ROBO2: variants seen among roughly 807,000 people sequenced by gnomAD.
ROBO2 encodes the protein roundabout homolog 2.
A neutral mutation model predicts 160.8 loss-of-function variants in ROBO2; 53 were observed. The ratio of observed to expected loss-of-function variants is 0.33; its 90% CI spans 0.26 to 0.41. The LOEUF is 0.41. Ranked by LOEUF, ROBO2 falls within the 10% of genes least tolerant of loss-of-function variation. The pLI, the probability that ROBO2 is intolerant of heterozygous loss-of-function variation, is 1.00. For synonymous variants in ROBO2, 664 were observed against 611.7 expected, an observed-to-expected ratio of 1.09 and a Z score of -1.26; for missense variants, 1,577 against 1,722.4, an observed-to-expected ratio of 0.92 and a Z score of 1.49.
chr3:76,722,167 T>G (rs913341164), intron 2 of ROBO2, among the ~76,000 whole-genome samples: 1 of 152,268 alleles, frequency 6.6e-6, no homozygotes, highest in African/African-American at 2.4e-5. Flanking sequence ...TGTCATTGGG[T>G]TGACCACAGG....
At chr3:76,304,764 TTC>T (rs1274352708) in intron 2 of ROBO2, among the ~76,000 whole-genome samples, 2 of 147,130 alleles carry the variant, frequency 1.4e-5, no homozygotes, top group Non-Finnish European at 3.0e-5. Flanking sequence ...CTTTCTTTCT[TTC>T]TTTCTTTCTT....
intron 2 of ROBO2, among the ~76,000 whole-genome samples, chr3:77,015,688 G>A (rs942931435): frequency 2.6e-5 from 4 of 152,142 alleles, no homozygotes; most frequent in Admixed American, 6.5e-5. Context: ...GCTTTAAAAT[G>A]CATCTGCTAT....
chr3:76,397,599 A>G (rs914981257), intron 2 of ROBO2, among the ~76,000 whole-genome samples: 1 of 151,888 alleles, frequency 6.6e-6, no homozygotes, highest in Non-Finnish European at 1.5e-5. Context: ...AATATCCAGA[A>G]TCTACAATGA....
At chr3:76,202,176 C>T (rs1486938618) in intron 2 of ROBO2, among the ~76,000 whole-genome samples, 1 of 152,114 alleles carries the variant, frequency 6.6e-6, no homozygotes, top group African/African-American at 2.4e-5. Flanking sequence ...TCGTGTTATG[C>T]TTCACTTGGC....
At chr3:76,960,932 T>C (rs553510975) in intron 2 of ROBO2, among the ~76,000 whole-genome samples, 3 of 152,134 alleles carry the variant, frequency 2.0e-5, no homozygotes, top group Non-Finnish European at 2.9e-5. Context: ...TCCTTCTATA[T>C]GATAAAATGT....
At chr3:76,445,369 GC>G (rs1174961041) in intron 2 of ROBO2, among the ~76,000 whole-genome samples, 1 of 152,054 alleles carries the variant, frequency 6.6e-6, no homozygotes, top group Non-Finnish European at 1.5e-5. Context: ...TGAAGCTATA[GC>G]AAAACTAAGG....
At chr3:76,659,915 C>T (rs563930837) in intron 2 of ROBO2, among the ~76,000 whole-genome samples, 57 of 152,198 alleles carry the variant, frequency 3.7e-4, no homozygotes, top group African/African-American at 1.3e-3. Flanking sequence ...AGAAAATGTT[C>T]CCCAGTAATT....
intron 2 of ROBO2, among the ~76,000 whole-genome samples, chr3:76,702,428 C>A (rs190763568): frequency 4.7e-4 from 72 of 151,872 alleles, no homozygotes; most frequent in Non-Finnish European, 7.5e-4. Context: ...GGGGAAAAAT[C>A]AATTGAGGTT....
chr3:76,517,676 A>G (rs2081408745), intron 2 of ROBO2, among the ~76,000 whole-genome samples: 1 of 152,196 alleles, frequency 6.6e-6, no homozygotes, highest in Non-Finnish European at 1.5e-5. Flanking sequence ...CCTGTTTTAT[A>G]TATGGGAAAT....
intron 1 of ROBO2, among the ~76,000 whole-genome samples, chr3:77,071,309 C>A (rs1243324756): frequency 6.6e-6 from 1 of 152,056 alleles, no homozygotes; most frequent in African/African-American, 2.4e-5. Context: ...TTAGAAACAC[C>A]TGCTCATTCA....
intron 2 of ROBO2, among the ~76,000 whole-genome samples, chr3:76,963,253 T>C (rs1477727783): frequency 6.6e-6 from 1 of 152,192 alleles, no homozygotes; most frequent in Non-Finnish European, 1.5e-5. Flanking sequence ...TTAGGATCAA[T>C]TTTCTTCATT....
At chr3:76,084,253 A>C (rs772054389) in intron 2 of ROBO2, among the ~76,000 whole-genome samples, 1 of 152,150 alleles carries the variant, frequency 6.6e-6, no homozygotes, top group Admixed American at 6.6e-5. Context: ...CATATGACTC[A>C]TGTAGACTCT....
At chr3:77,457,351 T>C (rs2081767112) in intron 2 of ROBO2, among the ~76,000 whole-genome samples, 1 of 152,182 alleles carries the variant, frequency 6.6e-6, no homozygotes, top group South Asian at 2.1e-4. Flanking sequence ...GCAATAGCTA[T>C]ATAATAGGGA....
chr3:76,210,609 T>A (rs1226896868), intron 2 of ROBO2, among the ~76,000 whole-genome samples: 1 of 152,158 alleles, frequency 6.6e-6, no homozygotes, highest in Non-Finnish European at 1.5e-5. Context: ...TTAATAAATA[T>A]AAATGCTGTT....
chr3:76,497,961 C>G (rs868318595), intron 2 of ROBO2, among the ~76,000 whole-genome samples: 8 of 152,282 alleles, frequency 5.3e-5, no homozygotes, highest in African/African-American at 1.9e-4. Context: ...ATGCTTCTTC[C>G]TTAACCTGCT....
intron 2 of ROBO2, among the ~76,000 whole-genome samples, chr3:76,044,403 A>C (rs2067380167): frequency 6.6e-6 from 1 of 152,070 alleles, no homozygotes; most frequent in Admixed American, 6.5e-5. Context: ...TATAACCTCC[A>C]GACAAGTTTT....
chr3:77,132,940 G>A (rs1227178370), intron 2 of ROBO2, among the ~76,000 whole-genome samples: 1 of 152,152 alleles, frequency 6.6e-6, no homozygotes, highest in Non-Finnish European at 1.5e-5. Context: ...AGAGAGATGA[G>A]TGGAGAGGAG....
intron 3 of ROBO2, among the ~76,000 whole-genome samples, chr3:77,480,300 A>AC (rs2084531313): frequency 1.1e-5 from 1 of 88,482 alleles, no homozygotes; most frequent in Non-Finnish European, 2.7e-5. Flanking sequence ...TTAAATGAGT[A>AC]CCAAAAAAAA....
At chr3:76,849,472 G>A (rs1326597326) in intron 2 of ROBO2, among the ~76,000 whole-genome samples, 1 of 152,128 alleles carries the variant, frequency 6.6e-6, no homozygotes, top group Non-Finnish European at 1.5e-5. Flanking sequence ...AGATGCCTAA[G>A]AGAAACAAAA....
Sources: allele counts gnomAD v4.1 joint callset (sites outside exome capture counted in the v4.1 genomes callset), GRCh38; gene constraint gnomAD v4.1.1; transcripts MANE v1.5; gene names NCBI Gene and HGNC (gene_info 2026-07-23, HGNC 2026-07-21).